The following CALCR variants were observed in gnomAD, a reference collection of about 807,000 sequenced individuals.
The protein encoded by CALCR is calcitonin receptor.
In CALCR, 47 loss-of-function variants were observed where a neutral mutation model predicts 59.5. That is an observed-to-expected ratio of 0.79 (90% CI 0.63 to 1.01). CALCR has a LOEUF of 1.01. CALCR is among the 50% of genes least tolerant of loss of function. CALCR has a pLI of 0.00. For synonymous variants in CALCR, 213 were observed against 211.3 expected, an observed-to-expected ratio of 1.01 and a Z score of -0.07; for missense variants, 566 against 597.1, an observed-to-expected ratio of 0.95 and a Z score of 0.54.
intron 2 of CALCR, among the ~76,000 whole-genome samples, chr7:93,490,827 C>G (rs1033235076): frequency 6.6e-6 from 1 of 151,970 alleles, no homozygotes; most frequent in Admixed American, 6.6e-5. Flanking sequence ...AATGGCCATA[C>G]TGCTCAAAGT....
chr7:93,564,282 G>T (rs754557433), intron 2 of CALCR, among the ~76,000 whole-genome samples: 2 of 152,110 alleles, frequency 1.3e-5, no homozygotes, highest in Non-Finnish European at 2.9e-5. Flanking sequence ...GGGCAGGTCA[G>T]ATGGAAGGTT....
At chr7:93,509,525 A>C (rs1801499739) in intron 2 of CALCR, among the ~76,000 whole-genome samples, 1 of 152,148 alleles carries the variant, frequency 6.6e-6, no homozygotes, top group Non-Finnish European at 1.5e-5. Context: ...CCAATTTAGA[A>C]TCAATCTAAT....
In CALCR at chr7:93,513,637, G is replaced by C. The variant is rs113802309; in HGVS notation, c.-26-26630C>G. On this transcript the variant is annotated intron_variant, in intron 2 of 13. Coordinates refer to ENST00000426151, the MANE Select transcript of CALCR (RefSeq NM_001742.4). ...CTGTTATGGTCTTTACAAGTTGTGT[G>C]ACCTTCGAAAAGTTAATTTTTTGAG... is the stretch of plus-strand genomic sequence containing the variant. 1.9e-3 allele frequency among the ~76,000 whole-genome samples: 294 copies of C among 152,086 alleles called. 4 individuals carry two copies. The highest frequency in any genetic ancestry group is 6.6e-3 in the African/African-American group (275 of 41,520).
At chr7:93,530,556 A>C (rs1788804416) in intron 2 of CALCR, among the ~76,000 whole-genome samples, 1 of 152,142 alleles carries the variant, frequency 6.6e-6, no homozygotes, top group Non-Finnish European at 1.5e-5. Flanking sequence ...AATTCATTAG[A>C]GATCTTTGAC....
chr7:93,491,174 T>C (rs1407083293), intron 2 of CALCR, among the ~76,000 whole-genome samples: 1 of 152,098 alleles, frequency 6.6e-6, no homozygotes, highest in Non-Finnish European at 1.5e-5. Flanking sequence ...TCCTATTCAA[T>C]AAATGGTGCT....
chr7:93,481,751 T>C (rs1218516714), intron 3 of CALCR, among the ~76,000 whole-genome samples: 2 of 151,898 alleles, frequency 1.3e-5, no homozygotes, highest in East Asian at 3.9e-4. Context: ...AAACATTTTG[T>C]TGATTTCTAA....
intron 8 of CALCR, among the ~76,000 whole-genome samples, chr7:93,456,956 C>A (rs1173485273): frequency 6.6e-6 from 1 of 152,120 alleles, no homozygotes; most frequent in African/African-American, 2.4e-5. Flanking sequence ...TCCCTAGACA[C>A]CTGCTTATGG....
intron 8 of CALCR, among the ~76,000 whole-genome samples, chr7:93,449,738 A>G (rs1316162634): frequency 1.3e-5 from 2 of 152,060 alleles, no homozygotes; most frequent in South Asian, 2.1e-4. Flanking sequence ...CAGCACTACA[A>G]TTCTTACAAA....
At chr7:93,444,380 C>T (rs1460214814) in intron 8 of CALCR, among the ~76,000 whole-genome samples, 1 of 151,976 alleles carries the variant, frequency 6.6e-6, no homozygotes, top group African/African-American at 2.4e-5. Flanking sequence ...GGAGCCACAC[C>T]CTTGGAAGAG....
intron 2 of CALCR, among the ~76,000 whole-genome samples, chr7:93,569,935 G>GACACACACACACACAC (rs3068441): frequency 1.1e-3 from 157 of 144,114 alleles, no homozygotes; most frequent in African/African-American, 3.9e-3. Context: ...GATGTAAAGG[G>GACACACACACACACAC]ACACACACAC....
chr7:93,548,402 A>C (rs182886213), intron 2 of CALCR, among the ~76,000 whole-genome samples: 2 of 152,300 alleles, frequency 1.3e-5, no homozygotes, highest in Admixed American at 1.3e-4. Context: ...GGTCTAAATA[A>C]GTTGTTAAGC....
At chr7:93,512,542 T>G (rs1248526254) in intron 2 of CALCR, among the ~76,000 whole-genome samples, 1 of 152,204 alleles carries the variant, frequency 6.6e-6, no homozygotes. Context: ...ATGAGACTTT[T>G]GTAAAGTTTA....
rs1800324019 is a variant in CALCR, at chr7:93,460,957, A to G, written c.522-10T>C. On this transcript the variant is annotated splice_polypyrimidine_tract_variant and intron_variant, in intron 7 of 13. Transcript: ENST00000426151. ...TTGGCAGCCAAGGCTCCTGGAAGAA[A>G]AAGTAACATAAAGCATTAACCAGTG... is the stretch of plus-strand genomic sequence containing the variant. 8 of 1,605,272 alleles carry G rather than the reference A, an allele frequency of 5.0e-6. No individual in the cohort carries two copies. The highest frequency in any genetic ancestry group is 1.1e-5 in the South Asian group (1 of 89,338).
At chr7:93,503,395 C>A (rs547799709) in intron 2 of CALCR, among the ~76,000 whole-genome samples, 1 of 147,332 alleles carries the variant, frequency 6.8e-6, no homozygotes, top group Non-Finnish European at 1.5e-5. Context: ...AAGGAGAAAG[C>A]AAATAATTAG....
intron 6 of CALCR, 47 bp from the exon 7 acceptor site, chr7:93,468,853 T>A: frequency 1.6e-6 from 1 of 644,640 alleles, no homozygotes. Flanking sequence ...GAATGATTCA[T>A]CAGAGAGAAA....
chr7:93,443,823 C>T, intron 8 of CALCR, 66 bp from the exon 9 acceptor site: 2 of 1,451,348 alleles, frequency 1.4e-6, no homozygotes, highest in Non-Finnish European at 1.9e-6. Flanking sequence ...GAGCACAGAG[C>T]AAATGTGAAA....
intron 9 of CALCR, among the ~76,000 whole-genome samples, chr7:93,439,191 A>G (rs973565051): frequency 6.6e-6 from 1 of 152,206 alleles, no homozygotes; most frequent in African/African-American, 2.4e-5. Flanking sequence ...TGTGAGTTAT[A>G]TACAAAAAGG....
At chr7:93,495,617 T>A (rs375106360) in intron 2 of CALCR, among the ~76,000 whole-genome samples, 2 of 151,526 alleles carry the variant, frequency 1.3e-5, no homozygotes, top group African/African-American at 4.8e-5. Context: ...TACTTAGTCA[T>A]GCCCTCCTTG....
chr7:93,513,978 GTAA>G (rs1801602478), intron 2 of CALCR, among the ~76,000 whole-genome samples: 1 of 151,860 alleles, frequency 6.6e-6, no homozygotes, highest in African/African-American at 2.4e-5. Context: ...AGCATAAACT[GTAA>G]TGAGGATACA....
Sources: allele counts gnomAD v4.1 joint callset (sites outside exome capture counted in the v4.1 genomes callset), GRCh38; gene constraint gnomAD v4.1.1; transcripts MANE v1.5; gene names NCBI Gene and HGNC (gene_info 2026-07-23, HGNC 2026-07-21).